Variants in SNAPC1 observed in about 807,000 individuals in gnomAD.
SNAPC1 encodes snRNA-activating protein complex subunit 1.
Under a neutral mutation model 50.1 loss-of-function variants are expected in SNAPC1, and 42 were observed. The ratio of observed to expected loss-of-function variants is 0.84; its 90% CI spans 0.65 to 1.08. The LOEUF (loss-of-function observed/expected upper bound fraction) is 1.08. Among genes scored for constraint, SNAPC1 ranks in the 50% least tolerant of loss-of-function variants. The pLI, the probability that SNAPC1 is intolerant of heterozygous loss-of-function variation, is 0.00. For synonymous variants in SNAPC1, 164 were observed against 144.2 expected (o/e 1.14, Z -0.98); for missense variants, 477 against 427.3 (o/e 1.12, Z -1.02).
rs1329814429 is a variant in SNAPC1 at position 61,795,071 on chromosome 14, T to C, written c.*88T>C. 6.1e-6 allele frequency: 5 copies of C among 820,748 alleles called. No individual in the cohort carries two copies. Among genetic ancestry groups the C allele is most frequent in the Non-Finnish European group, 9.5e-6 (5 of 523,890 alleles). The allele number at this position is 820,748 out of a possible 1,614,324, so 50.8% of individuals were successfully genotyped here. Reference sequence around the variant, plus strand: ...GTGTATTGAACAGGAAGACTGCCAGTATTAAAAAAATCCTTCTGGGAATCT... The same window carrying C: ...GTGTATTGAACAGGAAGACTGCCAGCATTAAAAAAATCCTTCTGGGAATCT... On this transcript the variant is annotated 3_prime_UTR_variant, in exon 10 of 10. Coordinates refer to ENST00000216294, the MANE Select transcript of SNAPC1 (RefSeq NM_003082.4).
At chr14:61,773,526 A>G (rs971348838) in intron 4 of SNAPC1, among the ~76,000 whole-genome samples, 52 of 146,910 alleles carry the variant, frequency 3.5e-4, no homozygotes, top group African/African-American at 1.3e-3. Flanking sequence ...TGCTGAGTAG[A>G]TGGGACCACA....
chr14:61,767,115 AAT>A, intron 2 of SNAPC1, 80 bp downstream of exon 2: 1 of 1,095,008 alleles, frequency 9.1e-7, no homozygotes. Context: ...TATATGATTA[AAT>A]ATGATTTAAA....
Position 61,784,471 on chromosome 14 carries a change from A to AG in SNAPC1, c.976+2074_976+2075insG, listed in dbSNP as rs531109135. On this transcript the variant is annotated intron_variant, in intron 8 of 9. Transcript: ENST00000216294. ...ACCATCCATTCTTGATTTAAAAAAA[A>AG]AAAATCCTCTAGATCAAGGAGTCAG... Among the ~76,000 whole-genome samples, 161 of 152,272 alleles carry AG rather than the reference A, an allele frequency of 1.1e-3. 3 individuals are homozygous for AG. The highest frequency in any genetic ancestry group is 3.4e-3 in the Middle Eastern group (1 of 294).
rs2045180345 is a variant in SNAPC1, at chr14:61,795,190, G to T, written c.*207G>T. On this transcript the variant is annotated 3_prime_UTR_variant, in exon 10 of 10. Transcript: ENST00000216294. ...TCTTTAACATTTTCTTTAATGATTTGCATAAATGGAGATAAAACTTGTATT... is the reference window on the plus strand; with the variant it reads ...TCTTTAACATTTTCTTTAATGATTTTCATAAATGGAGATAAAACTTGTATT... The T allele has an allele frequency of 2.0e-6, 1 of 506,044 alleles. No individual in the cohort carries two copies. The highest frequency in any genetic ancestry group is 3.5e-6 in the Non-Finnish European group (1 of 289,192). 31.3% of individuals were successfully genotyped at this position (506,044 alleles called of 1,614,324 possible). A position where few individuals can be genotyped will look rare whatever the true frequency, so the allele number is the denominator to read the frequency against.
intron 1 of SNAPC1, among the ~76,000 whole-genome samples, chr14:61,765,243 T>G (rs1352094159): frequency 6.6e-6 from 1 of 152,218 alleles, no homozygotes; most frequent in African/African-American, 2.4e-5. Context: ...TCAGATAGTT[T>G]ATTCATTATG....
chr14:61,764,815 G>C (rs2044934831), intron 1 of SNAPC1, among the ~76,000 whole-genome samples: 1 of 152,208 alleles, frequency 6.6e-6, no homozygotes, highest in Admixed American at 6.5e-5. Context: ...ACCGTAACTA[G>C]AGTAGGCATT....
chr14:61,774,648 A>ATTTTTTTTTT (rs35300490), intron 4 of SNAPC1, among the ~76,000 whole-genome samples: 5 of 90,968 alleles, frequency 5.5e-5, no homozygotes, highest in East Asian at 3.0e-4. Flanking sequence ...TCAGTTTCTC[A>ATTTTTTTTTT]TTTTTTTTTT....
Position 61,782,296 on chromosome 14 carries a change from C to G in SNAPC1, c.875C>G (p.Ser292Cys), listed in dbSNP as rs1331163154. 2 of 1,612,370 alleles carry G rather than the reference C, an allele frequency of 1.2e-6. No individual in the cohort carries two copies. The highest frequency in any genetic ancestry group is 2.2e-5 in the East Asian group (1 of 44,822). Residue 292 changes from serine (S) to cysteine (C), a missense_variant, in exon 8 of 10, where the codon TCT (serine) becomes TGT (cysteine). Ser to Cys is a moderately radical substitution (Grantham distance 112). Coordinates refer to ENST00000216294, the MANE Select transcript of SNAPC1 (RefSeq NM_003082.4). The stretch of plus-strand genomic sequence containing the variant: ...CAAGTCAAACTCGACTCTTCTGACT[C>G]TGATTCTGCATCTGGTCAAGGGCAA... Reference protein sequence around the residue: ...HRQVKLDSSDSDSASGQGQVK... With the variant: ...HRQVKLDSSDCDSASGQGQVK...
At chr14:61,764,681 A>G (rs926842662) in intron 1 of SNAPC1, among the ~76,000 whole-genome samples, 2 of 152,114 alleles carry the variant, frequency 1.3e-5, no homozygotes, top group African/African-American at 2.4e-5. Flanking sequence ...TCTTGGGGGG[A>G]AAAATGCATT....
Position 61,794,955 on chromosome 14 carries a change from C to G in SNAPC1, c.1079C>G (p.Thr360Ser). The G allele has an allele frequency of 6.3e-7, 1 of 1,580,078 alleles. No individual in the cohort carries two copies. The highest frequency in any genetic ancestry group is 1.2e-5 in the South Asian group (1 of 85,722). The change falls in exon 10 of 10, where the codon ACT (threonine) becomes AGT (serine). Residue 360 changes from threonine (T) to serine (S), a missense_variant. Thr to Ser is a moderately conservative substitution (Grantham distance 58, BLOSUM62 1). Transcript: ENST00000216294. ...ENESLSGTEF[T>S]ASKKRRKH is the part of the protein sequence containing the mutation. ...TTAAACTTTATGTCTTTAGAGTTCA[C>G]TGCATCCAAGAAGAGGAGAAAACAC...
chr14:61,790,337 T>G (rs1267958437), intron 8 of SNAPC1, among the ~76,000 whole-genome samples: 1 of 152,212 alleles, frequency 6.6e-6, no homozygotes, highest in East Asian at 1.9e-4. Flanking sequence ...AACTACTATT[T>G]ATTAACACTT....
At chr14:61,785,271 A>G (rs1464539558) in intron 8 of SNAPC1, among the ~76,000 whole-genome samples, 1 of 152,120 alleles carries the variant, frequency 6.6e-6, no homozygotes, top group Non-Finnish European at 1.5e-5. Flanking sequence ...GCTTGGTGGC[A>G]CATGCATGTA....
In SNAPC1 at chr14:61,782,293, ACT is replaced by A. The variant is rs2045081148; in HGVS notation, c.875_876del (p.Ser292Ter). On this transcript the variant is annotated frameshift_variant, in exon 8 of 10. Transcript: ENST00000216294. LOFTEE classifies it high-confidence loss of function. ...CGTCAAGTCAAACTCGACTCTTCTG[ACT>A]CTGATTCTGCATCTGGTCAAGGGCA... 2.5e-6 allele frequency: 4 copies of A among 1,612,166 alleles called. No homozygotes were observed. The highest frequency in any genetic ancestry group is 2.2e-5 in the South Asian group (2 of 90,646).
intron 4 of SNAPC1, among the ~76,000 whole-genome samples, chr14:61,769,418 C>T (rs2044972314): frequency 8.7e-6 from 1 of 114,880 alleles, no homozygotes; most frequent in South Asian, 3.8e-4. Context: ...TTTTTTCTCA[C>T]ACGGAGTCTT....
Position 61,792,903 on chromosome 14 carries a change from G to A in SNAPC1, c.1072+1G>A. 6.4e-7 allele frequency: 1 copy of A among 1,569,214 alleles called. No homozygotes were observed. The highest frequency in any genetic ancestry group is 1.8e-5 in the Admixed American group (1 of 55,590). On this transcript the variant is annotated splice_donor_variant, in intron 9 of 9. Transcript: ENST00000216294. LOFTEE classifies it high-confidence loss of function. ...GAGAATGAAAGTTTGAGTGGAACAG[G>A]TACAGATAAAATTTGGTCAAACTAG...
At chr14:61,779,707 G>GTTT (rs2045058153) in intron 7 of SNAPC1, among the ~76,000 whole-genome samples, 1 of 61,346 alleles carries the variant, frequency 1.6e-5, no homozygotes, top group African/African-American at 5.2e-5. Context: ...TCACTTTGTT[G>GTTT]GTTTTTTTTT....
intron 4 of SNAPC1, among the ~76,000 whole-genome samples, chr14:61,771,218 C>G (rs930625946): frequency 6.6e-6 from 1 of 151,380 alleles, no homozygotes; most frequent in Non-Finnish European, 1.5e-5. Flanking sequence ...GATTGTTTTA[C>G]TTCTACAACA....
intron 4 of SNAPC1, among the ~76,000 whole-genome samples, chr14:61,772,239 C>T (rs933695695): frequency 6.6e-6 from 1 of 152,096 alleles, no homozygotes; most frequent in Non-Finnish European, 1.5e-5. Flanking sequence ...TAGGCCCTCA[C>T]CACCATGCTG....
chr14:61,773,397 GTTTTTTT>G (rs58782943), intron 4 of SNAPC1, among the ~76,000 whole-genome samples: 9 of 99,314 alleles, frequency 9.1e-5, no homozygotes, highest in South Asian at 3.9e-4. Context: ...TATTTCCTTA[GTTTTTTT>G]TTTTTTTTTT....
Sources: allele counts gnomAD v4.1 joint callset (sites outside exome capture counted in the v4.1 genomes callset), GRCh38; gene constraint gnomAD v4.1.1; transcripts MANE v1.5; gene names NCBI Gene and HGNC (gene_info 2026-07-23, HGNC 2026-07-21).